PODXL2: variants seen among roughly 807,000 people sequenced by gnomAD.
PODXL2 encodes the protein podocalyxin like 2.
PODXL2 carries 17 observed loss-of-function variants against 53.4 expected under a neutral mutation model. The ratio of observed to expected loss-of-function variants is 0.32; its 90% CI spans 0.22 to 0.48. PODXL2 has a LOEUF of 0.48. PODXL2 is among the 20% of genes least tolerant of loss of function. The pLI is 0.99. For synonymous variants in PODXL2, 311 were observed against 306.7 expected, an observed-to-expected ratio of 1.01 and a Z score of -0.15; for missense variants, 673 against 760.0, an observed-to-expected ratio of 0.89 and a Z score of 1.35.
intron 1 of PODXL2, among the ~76,000 whole-genome samples, chr3:127,638,668 T>C (rs1487156072): frequency 2.0e-5 from 3 of 151,990 alleles, no homozygotes; most frequent in Non-Finnish European, 2.9e-5. Flanking sequence ...TGAGCCAAGA[T>C]TGCACCACTG....
rs1229052014 is a variant in PODXL2 at position 127,671,448 on chromosome 3, C to T, written c.1440C>T (p.Asn480=). 1.2e-5 allele frequency: 20 copies of T among 1,614,052 alleles called. No individual in the cohort carries two copies. The highest frequency in any genetic ancestry group is 1.7e-5 in the Non-Finnish European group (20 of 1,179,952). ...CCCACCCCTAGATTGGCATCCAGAACTATTCCACAACCAGCAGCTGCCAGG... is the reference window on the plus strand; with the variant it reads ...CCCACCCCTAGATTGGCATCCAGAATTATTCCACAACCAGCAGCTGCCAGG... ...RRSLEEIGIQ[N]YSTTSSCQAR... The change falls in exon 7 of 8, where the codon AAC becomes AAT. Residue 480 remains asparagine, a synonymous_variant. Transcript: ENST00000342480.
chr3:127,652,448 C>T (rs1553745320), intron 2 of PODXL2, among the ~76,000 whole-genome samples: 1 of 152,162 alleles, frequency 6.6e-6, no homozygotes, highest in Non-Finnish European at 1.5e-5. Flanking sequence ...AGGAGGTCCT[C>T]CAGGGCTCTC....
chr3:127,631,634 G>A (rs2074546886), intron 1 of PODXL2, among the ~76,000 whole-genome samples: 1 of 152,190 alleles, frequency 6.6e-6, no homozygotes, highest in Admixed American at 6.5e-5. Context: ...TAAGTCAGGT[G>A]GGGTCTCAAT....
chr3:127,645,272 T>C (rs2074645520), intron 2 of PODXL2, among the ~76,000 whole-genome samples: 1 of 152,214 alleles, frequency 6.6e-6, no homozygotes, highest in South Asian at 2.1e-4. Flanking sequence ...TTGGATGTAA[T>C]GGAGCTGGAT....
chr3:127,671,118 G>A (rs1406210566), intron 6 of PODXL2, among the ~76,000 whole-genome samples: 3 of 152,192 alleles, frequency 2.0e-5, no homozygotes, highest in Non-Finnish European at 4.4e-5. Flanking sequence ...ATGGTGTCCA[G>A]CAGCATGGGT....
At chr3:127,639,905 C>T (rs1329342229) in intron 2 of PODXL2, among the ~76,000 whole-genome samples, 2 of 152,238 alleles carry the variant, frequency 1.3e-5, no homozygotes, top group Non-Finnish European at 2.9e-5. Context: ...AGACCTATGG[C>T]TTTCCAAGCC....
chr3:127,671,060 C>T (rs56406548), intron 6 of PODXL2, among the ~76,000 whole-genome samples: 19,128 of 152,124 alleles, frequency 0.13, 3,561 homozygotes, highest in African/African-American at 0.4. Context: ...CTCACATCTC[C>T]TGTCTCTCTA....
Position 127,660,700 on chromosome 3 carries a change from C to T in PODXL2, c.672C>T (p.Asp224=). Residue 224 remains aspartate, a synonymous_variant, in exon 3 of 8, where the codon GAC becomes GAT. Transcript: ENST00000342480. Reference sequence around the variant, plus strand: ...GGGCCACCAAAAGCAGGCATGAAGACTCCGGGGACCAGGCCTCATCAGGTG... The same window carrying T: ...GGGCCACCAAAAGCAGGCATGAAGATTCCGGGGACCAGGCCTCATCAGGTG... ...TPGATKSRHE[D]SGDQASSGVE... 1 of 1,614,202 alleles carries T rather than the reference C, an allele frequency of 6.2e-7. No individual in the cohort carries two copies. Among genetic ancestry groups the T allele is most frequent in the Non-Finnish European group, 8.5e-7 (1 of 1,180,034 alleles).
chr3:127,665,510 G>A (rs1349377587), intron 4 of PODXL2, among the ~76,000 whole-genome samples: 1 of 152,144 alleles, frequency 6.6e-6, no homozygotes, highest in Non-Finnish European at 1.5e-5. Flanking sequence ...AGTCTAAGAA[G>A]GAAACATGAG....
At chr3:127,636,903 A>T (rs2074581267) in intron 1 of PODXL2, among the ~76,000 whole-genome samples, 1 of 152,098 alleles carries the variant, frequency 6.6e-6, no homozygotes, top group Non-Finnish European at 1.5e-5. Context: ...GGTTCACTGC[A>T]ATCTCTGCCT....
chr3:127,645,071 G>A (rs1022435291), intron 2 of PODXL2, among the ~76,000 whole-genome samples: 2 of 152,226 alleles, frequency 1.3e-5, no homozygotes, highest in African/African-American at 4.8e-5. Flanking sequence ...AAAGCCCACA[G>A]GTTAAAGGCT....
intron 3 of PODXL2, 30 bp from the exon 4 acceptor site, chr3:127,662,207 T>C (rs1349227545): frequency 1.3e-5 from 20 of 1,599,534 alleles, no homozygotes; most frequent in Non-Finnish European, 1.7e-5. Flanking sequence ...CCTTCGTAAC[T>C]GTCGCCCTTC....
chr3:127,658,406 C>CTTTTTTTTTT (rs60979669), intron 2 of PODXL2, among the ~76,000 whole-genome samples: 3 of 87,392 alleles, frequency 3.4e-5, no homozygotes, highest in African/African-American at 8.3e-5. Flanking sequence ...TTTCCCATGT[C>CTTTTTTTTTT]TTTTTTTTTT....
chr3:127,654,305 TA>T (rs766455306), intron 2 of PODXL2, among the ~76,000 whole-genome samples: 2 of 152,198 alleles, frequency 1.3e-5, no homozygotes, highest in Non-Finnish European at 2.9e-5. Context: ...TTGGCAGGCA[TA>T]TTGTGGACGT....
chr3:127,634,119 A>G (rs1194085405), intron 1 of PODXL2, among the ~76,000 whole-genome samples: 1 of 151,950 alleles, frequency 6.6e-6, no homozygotes, highest in Non-Finnish European at 1.5e-5. Context: ...TGATAGAACC[A>G]GATTTGCATT....
Position 127,631,292 on chromosome 3 carries a change from T to G in PODXL2, c.70+2003T>G, listed in dbSNP as rs192795710. Among the ~76,000 whole-genome samples, 7 of 152,228 alleles carry G rather than the reference T, an allele frequency of 4.6e-5. No homozygotes were observed. In the East Asian group the frequency reaches 1.4e-3, roughly 29 times the overall value. On this transcript the variant is annotated intron_variant, in intron 1 of 7. Transcript: ENST00000342480. ...GGAGACTGGACTTCAAAGACCCTGC[T>G]TAGGGGAGAGGTGGGGTGTAGCTGA...
intron 1 of PODXL2, among the ~76,000 whole-genome samples, chr3:127,638,328 G>GGA (rs2074591176): frequency 1.3e-5 from 2 of 152,176 alleles, no homozygotes. Context: ...TGGTAAATTA[G>GGA]GAGAGAGAGA....
intron 2 of PODXL2, among the ~76,000 whole-genome samples, chr3:127,652,126 C>G (rs188130365): frequency 2.0e-5 from 3 of 152,214 alleles, no homozygotes; most frequent in African/African-American, 7.2e-5. Flanking sequence ...TTTAACCACA[C>G]AAGAGTCTAA....
At chr3:127,664,429 C>G (rs2074783971) in intron 4 of PODXL2, among the ~76,000 whole-genome samples, 1 of 151,666 alleles carries the variant, frequency 6.6e-6, no homozygotes, top group Non-Finnish European at 1.5e-5. Context: ...TTGCTTCCAT[C>G]TTTTGGCTAT....
Sources: gnomAD v4.1 joint callset for allele counts (sites outside exome capture counted in the v4.1 genomes callset) on GRCh38, gnomAD v4.1.1 for gene constraint, MANE v1.5 for transcripts, NCBI Gene and HGNC (gene_info 2026-07-23, HGNC 2026-07-21) for gene names.